The following STOX2 variants were observed in gnomAD, a reference collection of about 807,000 sequenced individuals.
STOX2 encodes storkhead-box protein 2.
Under a neutral mutation model 60.9 loss-of-function variants are expected in STOX2, and 28 were observed. That is an observed-to-expected ratio of 0.46 (90% CI 0.34 to 0.63). The LOEUF (loss-of-function observed/expected upper bound fraction) is 0.63, where lower values mean the gene tolerates loss of function less well. Among genes scored for constraint, STOX2 ranks in the 30% least tolerant of loss-of-function variants. The pLI is 0.01. For missense variants in STOX2, 1,024 were observed against 1,187.7 expected, an observed-to-expected ratio of 0.86 and a Z score of 2.03; for synonymous variants, 472 against 463.9, an observed-to-expected ratio of 1.02 and a Z score of -0.22.
At chr4:183,938,422 A>T (rs1264408784) in intron 1 of STOX2, among the ~76,000 whole-genome samples, 9 of 152,144 alleles carry the variant, frequency 5.9e-5, no homozygotes, top group African/African-American at 2.2e-4. Context: ...TAATCCCAGC[A>T]CTTTGGGAGG....
At chr4:183,956,282 A>G (rs1743244084) in intron 1 of STOX2, among the ~76,000 whole-genome samples, 1 of 152,202 alleles carries the variant, frequency 6.6e-6, no homozygotes, top group African/African-American at 2.4e-5. Flanking sequence ...CTTGTGACAG[A>G]AAAGTTACAA....
chr4:183,927,022 A>G (rs1051691424), intron 1 of STOX2, among the ~76,000 whole-genome samples: 3 of 152,256 alleles, frequency 2.0e-5, no homozygotes, highest in Non-Finnish European at 2.9e-5. Flanking sequence ...AAAAAATGCT[A>G]TTGGTGCAGA....
At chr4:183,889,378 C>T (rs1266922624) in intron 1 of STOX2, among the ~76,000 whole-genome samples, 2 of 152,092 alleles carry the variant, frequency 1.3e-5, no homozygotes, top group Non-Finnish European at 2.9e-5. Context: ...CAGCGTGCCC[C>T]AGAGGCCAGG....
Position 184,021,211 on chromosome 4 carries a change from A to G in STOX2, c.*3927A>G, listed in dbSNP as rs1326501001. 1 of 152,204 alleles carries G rather than the reference A, an allele frequency of 6.6e-6. No homozygotes were observed. Among genetic ancestry groups the G allele is most frequent in the African/African-American group, 2.4e-5 (1 of 41,434 alleles). 9.4% of individuals were successfully genotyped at this position (152,204 alleles called of 1,614,324 possible). A position where few individuals can be genotyped will look rare whatever the true frequency, so the allele number is the denominator to read the frequency against. ...CTCAAAGTGCTTCCAAAGCATTCAG[A>G]TTTACAAACAATTCACAAGACAGGT... is the stretch of plus-strand genomic sequence containing the variant. On this transcript the variant is annotated 3_prime_UTR_variant, in exon 4 of 4. Coordinates refer to ENST00000308497, the MANE Select transcript of STOX2 (RefSeq NM_020225.3).
At chr4:183,921,551 T>C (rs1043183992) in intron 1 of STOX2, among the ~76,000 whole-genome samples, 3 of 152,202 alleles carry the variant, frequency 2.0e-5, no homozygotes, top group Non-Finnish European at 4.4e-5. Context: ...CAGTAACCCA[T>C]GGCAACCCAG....
intron 1 of STOX2, among the ~76,000 whole-genome samples, chr4:183,824,651 T>C (rs1287423719): frequency 3.3e-5 from 5 of 152,234 alleles, no homozygotes; most frequent in Admixed American, 2.0e-4. Flanking sequence ...TGACATGGGA[T>C]AAAGTTTTGA....
At chr4:183,919,583 C>T (rs1343828816) in intron 1 of STOX2, among the ~76,000 whole-genome samples, 1 of 152,138 alleles carries the variant, frequency 6.6e-6, no homozygotes, top group African/African-American at 2.4e-5. Context: ...AGCTCCCTTT[C>T]ACCTAAGGAA....
intron 1 of STOX2, among the ~76,000 whole-genome samples, chr4:183,870,674 C>T (rs1740668142): frequency 6.6e-6 from 1 of 152,102 alleles, no homozygotes; most frequent in African/African-American, 2.4e-5. Context: ...AAATTTAAAA[C>T]ATGTTCTTTG....
intron 1 of STOX2, among the ~76,000 whole-genome samples, chr4:183,955,201 C>T (rs1005127458): frequency 2.0e-5 from 3 of 152,128 alleles, no homozygotes; most frequent in Admixed American, 2.0e-4. Context: ...CTTTATCTTC[C>T]GCATGTACAA....
chr4:183,987,763 T>TG (rs1732910694), intron 1 of STOX2: 1 of 152,220 alleles, frequency 6.6e-6, no homozygotes, highest in South Asian at 2.1e-4. Flanking sequence ...TGCAAAGACT[T>TG]GCACGGCAAC....
chr4:184,021,611 G>T lies in STOX2; in HGVS notation c.*4327G>T, dbSNP rs1340403851. 1 of 152,194 alleles carries T rather than the reference G, an allele frequency of 6.6e-6. No homozygotes were observed. The highest frequency in any genetic ancestry group is 1.5e-5 in the Non-Finnish European group (1 of 68,042). 9.4% of individuals were successfully genotyped at this position (152,194 alleles called of 1,614,324 possible). A position where few individuals can be genotyped will look rare whatever the true frequency, so the allele number is the denominator to read the frequency against. ...TTCATATTGGGTTGCTATAGTTCCC[G>T]TGCTAAATCACCAGCTTTCAGGAAC... is the stretch of plus-strand genomic sequence containing the variant. On this transcript the variant is annotated 3_prime_UTR_variant, in exon 4 of 4. Coordinates refer to ENST00000308497, the MANE Select transcript of STOX2 (RefSeq NM_020225.3).
intron 1 of STOX2, among the ~76,000 whole-genome samples, chr4:183,942,016 T>C (rs1471551916): frequency 3.3e-5 from 5 of 152,148 alleles, no homozygotes; most frequent in Admixed American, 6.5e-5. Flanking sequence ...TCAGGGGTAT[T>C]TAGTACCTCA....
intron 3 of STOX2, chr4:184,014,415 T>A (rs1180351291): frequency 6.6e-6 from 1 of 152,082 alleles, no homozygotes; most frequent in South Asian, 2.1e-4. Flanking sequence ...CAGGGGTATA[T>A]CTGCTTAATG....
intron 1 of STOX2, among the ~76,000 whole-genome samples, chr4:183,876,970 T>C (rs1740843900): frequency 6.6e-6 from 1 of 151,950 alleles, no homozygotes; most frequent in African/African-American, 2.4e-5. Flanking sequence ...TTGGGGAGGG[T>C]CTTGGAGAAT....
rs568762567 is a variant in STOX2, at chr4:184,018,288, A to G, written c.*1004A>G. On this transcript the variant is annotated 3_prime_UTR_variant, in exon 4 of 4. Transcript: ENST00000308497. Reference sequence around the variant, plus strand: ...ATGTTATTCTTTCTAATGGAAGGACATAAATCTATTTTATGTAGTTTTAAA... The same window carrying G: ...ATGTTATTCTTTCTAATGGAAGGACGTAAATCTATTTTATGTAGTTTTAAA... 3.9e-5 allele frequency: 6 copies of G among 152,360 alleles called. No individual in the cohort carries two copies. The highest frequency in any genetic ancestry group is 1.3e-4 in the Admixed American group (2 of 15,304). The allele number at this position is 152,360 out of a possible 1,614,324, so 9.4% of individuals were successfully genotyped here.
rs965147298 is a variant in STOX2 at position 184,017,485 on chromosome 4, A to G, written c.*201A>G. On this transcript the variant is annotated 3_prime_UTR_variant, in exon 4 of 4. Coordinates refer to ENST00000308497, the MANE Select transcript of STOX2 (RefSeq NM_020225.3). Reference sequence around the variant, plus strand: ...TTGCTTTTCACATTTATGGCTCTGTAGCAACTGAGTAACAGTAGGGGTGAT... The same window carrying G: ...TTGCTTTTCACATTTATGGCTCTGTGGCAACTGAGTAACAGTAGGGGTGAT... 1 of 525,332 alleles carries G rather than the reference A, an allele frequency of 1.9e-6. No individual in the cohort carries two copies. The highest frequency in any genetic ancestry group is 1.9e-5 in the African/African-American group (1 of 51,504). 32.5% of individuals were successfully genotyped at this position (525,332 alleles called of 1,614,324 possible).
chr4:183,954,581 C>T lies in STOX2; in HGVS notation c.167-46744C>T, dbSNP rs564514410. ...GGGATTACAGGCTTGAGCCACCACG[C>T]CAAGCCCGCTTTTGTTTTTATAATT... On this transcript the variant is annotated intron_variant, in intron 1 of 3. Coordinates refer to ENST00000308497, the MANE Select transcript of STOX2 (RefSeq NM_020225.3). Among the ~76,000 whole-genome samples the T allele has an allele frequency of 3.9e-5, 6 of 152,222 alleles. No individual in the cohort carries two copies. In the South Asian group the frequency reaches 1.0e-3, roughly 26 times the overall value.
intron 1 of STOX2, among the ~76,000 whole-genome samples, chr4:183,967,291 G>A (rs927173377): frequency 1.4e-4 from 22 of 151,854 alleles, no homozygotes; most frequent in Admixed American, 1.1e-3. Flanking sequence ...GCCTGAACCC[G>A]GGAGGCGGAG....
intron 1 of STOX2, among the ~76,000 whole-genome samples, chr4:183,850,258 C>T (rs534011262): frequency 6.6e-6 from 1 of 151,786 alleles, no homozygotes; most frequent in South Asian, 2.1e-4. Context: ...CAGGCATGAG[C>T]CACCACACCC....
Sources: allele counts gnomAD v4.1 joint callset (sites outside exome capture counted in the v4.1 genomes callset), GRCh38; gene constraint gnomAD v4.1.1; transcripts MANE v1.5; gene names NCBI Gene and HGNC (gene_info 2026-07-23, HGNC 2026-07-21).